Variants in SCN11A observed in about 807,000 individuals in gnomAD.
SCN11A encodes the protein sodium voltage-gated channel alpha subunit 11.
SCN11A carries 122 observed loss-of-function variants against 162.2 expected under a neutral mutation model. The observed-to-expected ratio is 0.75, with a 90% confidence interval of 0.65 to 0.87. The LOEUF (loss-of-function observed/expected upper bound fraction) is 0.87. Ranked by LOEUF, SCN11A falls within the 40% of genes least tolerant of loss-of-function variation. SCN11A has a pLI of 0.00. For missense variants in SCN11A, 2,015 were observed against 2,181.6 expected, an observed-to-expected ratio of 0.92 and a Z score of 1.52; for synonymous variants, 758 against 751.5, an observed-to-expected ratio of 1.01 and a Z score of -0.14.
rs539602634 is a variant in SCN11A, at chr3:38,915,881, G to A, written c.959+4054C>T. On this transcript the variant is annotated intron_variant, in intron 11 of 29. Coordinates refer to ENST00000302328, the MANE Select transcript of SCN11A (RefSeq NM_001349253.2). Reference sequence around the variant, plus strand: ...GGTTAATTTTCTGCCCCAGTGATCTGTCTAATACTGTCAGTGCTGTGTTGA... The same window carrying A: ...GGTTAATTTTCTGCCCCAGTGATCTATCTAATACTGTCAGTGCTGTGTTGA... Among the ~76,000 whole-genome samples the A allele has an allele frequency of 1.1e-4, 16 of 152,236 alleles. No individual in the cohort carries two copies. The South Asian group carries it at 3.1e-3, about 30-fold the overall frequency.
chr3:38,893,484 AT>A (rs1308204499), intron 19 of SCN11A, among the ~76,000 whole-genome samples: 1 of 152,196 alleles, frequency 6.6e-6, no homozygotes, highest in African/African-American at 2.4e-5. Context: ...CAACAGGGAA[AT>A]GGAAGATTTG....
At chr3:38,887,978 CT>C (rs1456196347) in intron 19 of SCN11A, among the ~76,000 whole-genome samples, 1 of 152,148 alleles carries the variant, frequency 6.6e-6, no homozygotes, top group African/African-American at 2.4e-5. Flanking sequence ...GGTAACCTGT[CT>C]GTGGACTAGA....
chr3:39,049,106 G>A (rs1200729098), intron 1 of SCN11A, among the ~76,000 whole-genome samples: 1 of 152,200 alleles, frequency 6.6e-6, no homozygotes, highest in African/African-American at 2.4e-5. Flanking sequence ...TTTTGCAGAT[G>A]GTTAAACAGC....
intron 7 of SCN11A, among the ~76,000 whole-genome samples, chr3:38,931,395 C>T (rs2066238366): frequency 6.6e-6 from 1 of 152,166 alleles, no homozygotes; most frequent in African/African-American, 2.4e-5. Flanking sequence ...AAAGTCTGAC[C>T]ACTAACCGGT....
In SCN11A at chr3:38,885,324, C is replaced by A. The variant is rs1362914758; in HGVS notation, c.3028G>T (p.Val1010Phe). The change falls in exon 21 of 30, where the codon GTT becomes TTT. Residue 1010 changes from valine (V) to phenylalanine (F), a missense_variant. Coordinates refer to ENST00000302328, the MANE Select transcript of SCN11A (RefSeq NM_001349253.2). The stretch of plus-strand genomic sequence containing the variant: ...CATCTCTCTGGTTGCTTTTTGGGAA[C>A]CATCTCAGGTAACCATCCAAAGCCA... ...QDGFGWLPEMVPKKQPERCLP... is the reference protein window; with the variant it reads ...QDGFGWLPEMFPKKQPERCLP... The A allele has an allele frequency of 1.2e-6, 2 of 1,613,260 alleles. No homozygotes were observed. Among genetic ancestry groups the A allele is most frequent in the Non-Finnish European group, 1.7e-6 (2 of 1,179,238 alleles).
chr3:38,960,596 T>G (rs1377303848), intron 2 of SCN11A, among the ~76,000 whole-genome samples, 173 bp from the exon 3 acceptor site: 1 of 152,232 alleles, frequency 6.6e-6, no homozygotes, highest in East Asian at 1.9e-4. Context: ...GCATCATTAA[T>G]AAAGAAACAG....
intron 1 of SCN11A, among the ~76,000 whole-genome samples, 138 bp from the exon 2 acceptor site, chr3:39,032,641 C>CT (rs1238834508): frequency 6.6e-6 from 1 of 152,074 alleles, no homozygotes; most frequent in East Asian, 1.9e-4. Context: ...GTGATAGAGC[C>CT]TGTATTACAT....
chr3:38,996,877 T>A (rs2030647367), intron 2 of SCN11A, among the ~76,000 whole-genome samples: 1 of 152,180 alleles, frequency 6.6e-6, no homozygotes, highest in South Asian at 2.1e-4. Context: ...AGTTCAAGGC[T>A]GCAGTGAGCA....
At chr3:38,881,438 T>G (rs1181406316) in intron 22 of SCN11A, among the ~76,000 whole-genome samples, 1 of 152,192 alleles carries the variant, frequency 6.6e-6, no homozygotes, top group African/African-American at 2.4e-5. Context: ...AGCTTACCAG[T>G]AAGCTGGTTC....
At chr3:38,994,735 G>A (rs1240068484) in intron 2 of SCN11A, among the ~76,000 whole-genome samples, 1 of 152,142 alleles carries the variant, frequency 6.6e-6, no homozygotes, top group Non-Finnish European at 1.5e-5. Context: ...CGAAGTGGGA[G>A]GCAAAGGGGA....
intron 23 of SCN11A, among the ~76,000 whole-genome samples, chr3:38,874,233 TA>T (rs1411521731): frequency 2.6e-5 from 4 of 152,222 alleles, no homozygotes; most frequent in Non-Finnish European, 5.9e-5. Flanking sequence ...ATATCGATGT[TA>T]TCCAACTTTA....
intron 15 of SCN11A, 132 bp downstream of exon 15, chr3:38,905,060 T>G: frequency 8.6e-7 from 1 of 1,158,392 alleles, no homozygotes; most frequent in East Asian, 2.4e-5. Context: ...GAAGTCACTC[T>G]TTGCAGGATG....
In SCN11A at chr3:38,847,702, A is replaced by G; in HGVS notation, c.4368T>C (p.Pro1456=). ...CAATTCTGAAGAGCGTCGGAGGGAAAGGAATGTGCTCCTGATTTTCCAAGG... is the reference window on the plus strand; with the variant it reads ...CAATTCTGAAGAGCGTCGGAGGGAAGGGAATGTGCTCCTGATTTTCCAAGG... ...ISTLENQEHI[P]FPPTLFRIVR... is the part of the protein sequence containing the mutation. Residue 1456 remains proline (P), a synonymous_variant, in exon 30 of 30, where the codon CCT becomes CCC. Transcript: ENST00000302328. The G allele has an allele frequency of 6.2e-7, 1 of 1,611,220 alleles. No individual in the cohort carries two copies. The highest frequency in any genetic ancestry group is 8.5e-7 in the Non-Finnish European group (1 of 1,178,112).
chr3:38,937,744 G>A (rs1240888651), intron 7 of SCN11A, among the ~76,000 whole-genome samples: 2 of 152,222 alleles, frequency 1.3e-5, no homozygotes, highest in African/African-American at 4.8e-5. Flanking sequence ...AGAGGATGTG[G>A]AGAAATAGGA....
At chr3:39,044,778 A>T (rs2032145065) in intron 1 of SCN11A, among the ~76,000 whole-genome samples, 2 of 152,130 alleles carry the variant, frequency 1.3e-5, no homozygotes, top group Admixed American at 1.3e-4. Flanking sequence ...AAAAACAAGA[A>T]CCAACGAAAC....
chr3:39,039,564 C>T (rs906512996), intron 1 of SCN11A, among the ~76,000 whole-genome samples: 3 of 152,170 alleles, frequency 2.0e-5, no homozygotes, highest in African/African-American at 7.2e-5. Context: ...CCCAGCCAGA[C>T]CTAGCAGTAG....
chr3:38,855,116 T>C (rs1278131063), intron 28 of SCN11A, among the ~76,000 whole-genome samples: 1 of 152,124 alleles, frequency 6.6e-6, no homozygotes, highest in East Asian at 1.9e-4. Flanking sequence ...CAGGGAAGCT[T>C]ATGGCCTGGG....
chr3:38,908,037 C>T lies in SCN11A; in HGVS notation c.1385G>A (p.Gly462Asp), dbSNP rs1229916082. 7 of 1,613,504 alleles carry T rather than the reference C, an allele frequency of 4.3e-6. No individual in the cohort carries two copies. The highest frequency in any genetic ancestry group is 1.3e-5 in the African/African-American group (1 of 74,880). ...AAAGAAGGACTTCCTTTTCTTATTA[C>T]CAAAGAGCTTTCTCTTTTTTGGGGT... is the stretch of plus-strand genomic sequence containing the variant. ...YFTPKKRKLF[G>D]NKKRKSFFLR... Residue 462 changes from glycine to aspartate, a missense_variant, in exon 14 of 30, where the codon GGT (glycine) becomes GAT (aspartate). By Grantham distance (94) the Gly-to-Asp change is moderately conservative. Coordinates refer to ENST00000302328, the MANE Select transcript of SCN11A (RefSeq NM_001349253.2).
intron 2 of SCN11A, among the ~76,000 whole-genome samples, chr3:39,006,367 A>T (rs2030973963): frequency 6.6e-6 from 1 of 152,194 alleles, no homozygotes; most frequent in African/African-American, 2.4e-5. Flanking sequence ...AGAAGTCCCA[A>T]TGATACCAAC....
Sources: gnomAD v4.1 joint callset for allele counts (sites outside exome capture counted in the v4.1 genomes callset) on GRCh38, gnomAD v4.1.1 for gene constraint, MANE v1.5 for transcripts, NCBI Gene and HGNC (gene_info 2026-07-23, HGNC 2026-07-21) for gene names.